Variants in FRAS1 observed in about 807,000 individuals in gnomAD.
The protein encoded by FRAS1 is extracellular matrix organizing protein FRAS1.
A neutral mutation model predicts 435.2 loss-of-function variants in FRAS1; 290 were observed. That is an observed-to-expected ratio of 0.67 (90% confidence interval 0.61 to 0.73). The LOEUF is 0.73. Among genes scored for constraint, FRAS1 ranks in the 30% least tolerant of loss-of-function variants. FRAS1 has a pLI of 0.00. For synonymous variants in FRAS1, 1,800 were observed against 1,851.0 expected, an observed-to-expected ratio of 0.97 and a Z score of 0.71; for missense variants, 4,860 against 5,001.5, an observed-to-expected ratio of 0.97 and a Z score of 0.85.
intron 2 of FRAS1, among the ~76,000 whole-genome samples, chr4:78,222,408 C>T (rs1256696288): frequency 6.6e-6 from 1 of 152,208 alleles, no homozygotes; most frequent in Non-Finnish European, 1.5e-5. Context: ...ATTTCCGTAA[C>T]AGCTCCTAAC....
chr4:78,073,884 A>T (rs1740488638), intron 2 of FRAS1, among the ~76,000 whole-genome samples: 1 of 152,204 alleles, frequency 6.6e-6, no homozygotes, highest in Non-Finnish European at 1.5e-5. Context: ...ATAAAATTTT[A>T]AAAAATAACT....
intron 2 of FRAS1, among the ~76,000 whole-genome samples, chr4:78,160,246 CTCAG>C (rs1398722193): frequency 6.6e-6 from 1 of 152,214 alleles, no homozygotes; most frequent in African/African-American, 2.4e-5. Flanking sequence ...AAATGTTTCT[CTCAG>C]TAAGAATGCA....
rs554835851 is a variant in FRAS1, at chr4:78,347,787, GTTTT to G, written c.2422+9985_2422+9988del. The stretch of plus-strand genomic sequence containing the variant: ...TGTATGTGTGTGCGTGTGTGTGTGT[GTTTT>G]TTTTTTTTTTTTTTGGTCATCCCTT... On this transcript the variant is annotated intron_variant, in intron 20 of 73. Coordinates refer to ENST00000512123, the MANE Select transcript of FRAS1 (RefSeq NM_025074.7). Among the ~76,000 whole-genome samples, 55 of 55,074 alleles carry G rather than the reference GTTTT, an allele frequency of 1.0e-3. No homozygotes were observed. The East Asian group carries it at 0.023, about 23-fold the overall frequency. The allele number at this position is 55,074 out of a possible 152,430, so 36.1% of individuals were successfully genotyped here.
intron 14 of FRAS1, among the ~76,000 whole-genome samples, chr4:78,302,940 T>C (rs1728492095): frequency 6.6e-6 from 1 of 152,208 alleles, no homozygotes; most frequent in South Asian, 2.1e-4. Flanking sequence ...CCCATGCCTA[T>C]GTCCTGAATG....
chr4:78,148,758 T>C (rs1211996272), intron 2 of FRAS1, among the ~76,000 whole-genome samples: 1 of 152,216 alleles, frequency 6.6e-6, no homozygotes, highest in Non-Finnish European at 1.5e-5. Flanking sequence ...TTTTGGTAGG[T>C]ACCACTTTTA....
At chr4:78,336,099 A>G (rs1730161808) in intron 19 of FRAS1, among the ~76,000 whole-genome samples, 1 of 152,214 alleles carries the variant, frequency 6.6e-6, no homozygotes, top group Non-Finnish European at 1.5e-5. Context: ...TATCTGTTAC[A>G]TTCATCTAGC....
chr4:78,421,455 C>T (rs1733786058), intron 33 of FRAS1, among the ~76,000 whole-genome samples: 1 of 152,128 alleles, frequency 6.6e-6, no homozygotes, highest in African/African-American at 2.4e-5. Flanking sequence ...GCCTCCCTGC[C>T]TTATATTCTA....
intron 18 of FRAS1, among the ~76,000 whole-genome samples, chr4:78,324,197 AAG>A (rs921287004): frequency 6.6e-6 from 1 of 151,922 alleles, no homozygotes; most frequent in African/African-American, 2.4e-5. Flanking sequence ...ATAAGGGAAA[AAG>A]AAAAATAATA....
At chr4:78,196,771 G>A (rs559294812) in intron 2 of FRAS1, among the ~76,000 whole-genome samples, 1 of 152,130 alleles carries the variant, frequency 6.6e-6, no homozygotes, top group Non-Finnish European at 1.5e-5. Flanking sequence ...GAAGTATTTG[G>A]AATAATGTCC....
intron 29 of FRAS1, 75 bp from the exon 30 acceptor site, chr4:78,400,659 G>A (rs1732847372): frequency 1.4e-6 from 2 of 1,413,782 alleles, no homozygotes. Context: ...AACAGAACTG[G>A]ATAACTTATG....
chr4:78,057,824 C>G lies in FRAS1; in HGVS notation c.-186C>G, dbSNP rs1362058090. ...GCAGCGAGTGAATTGAACCCCAGCC[C>G]GCTCCGGCGCCTCCGGGCTGATGAG... On this transcript the variant is annotated 5_prime_UTR_variant, in exon 1 of 74. Transcript: ENST00000512123. This position sits in a 1 kb window ranked among gnomAD's most constrained non-coding sequence, Gnocchi z 4.2. The G allele has an allele frequency of 1.7e-6, 1 of 586,698 alleles. No homozygotes were observed. The highest frequency in any genetic ancestry group is 3.0e-6 in the Non-Finnish European group (1 of 331,508). 36.3% of individuals were successfully genotyped at this position (586,698 alleles called of 1,614,324 possible).
chr4:78,489,968 CAAAAA>C (rs61568957), intron 59 of FRAS1, among the ~76,000 whole-genome samples: 3,255 of 92,630 alleles, frequency 0.035, 154 homozygotes, highest in African/African-American at 0.11. Flanking sequence ...TAGTGGAAAA[CAAAAA>C]AAAAAAAAAA....
chr4:78,272,355 C>T (rs1423873780), intron 9 of FRAS1, among the ~76,000 whole-genome samples: 1 of 152,120 alleles, frequency 6.6e-6, no homozygotes, highest in Non-Finnish European at 1.5e-5. Flanking sequence ...GTTGCCATTG[C>T]TTTTGGTGTT....
chr4:78,399,126 T>C (rs1199561201), intron 29 of FRAS1, among the ~76,000 whole-genome samples: 2 of 152,220 alleles, frequency 1.3e-5, no homozygotes, highest in Admixed American at 6.5e-5. Context: ...GCTATGTCAA[T>C]TGAGAAAGGA....
At position 78,075,306 on chromosome 4, in the gene FRAS1, G is replaced by C. The variant is rs754933273; in HGVS notation, c.108+9290G>C. Among the ~76,000 whole-genome samples the C allele has an allele frequency of 1.7e-4, 26 of 152,230 alleles. 1 individual carries two copies. The highest frequency in any genetic ancestry group is 1.1e-3 in the Admixed American group (17 of 15,282). Reference sequence around the variant, plus strand: ...TAGCTGACACACAGAAGTTGATAGGGGAGAAAGATGGGAGACTTTGATTCC... The same window carrying C: ...TAGCTGACACACAGAAGTTGATAGGCGAGAAAGATGGGAGACTTTGATTCC... On this transcript the variant is annotated intron_variant, in intron 2 of 73. Coordinates refer to ENST00000512123, the MANE Select transcript of FRAS1 (RefSeq NM_025074.7).
intron 4 of FRAS1, among the ~76,000 whole-genome samples, chr4:78,249,025 A>G (rs1314583362): frequency 2.6e-5 from 3 of 117,188 alleles, no homozygotes; most frequent in Non-Finnish European, 5.2e-5. Flanking sequence ...TAATGCTTTC[A>G]TAAACGTGTA....
rs947715610 is a variant in FRAS1 at position 78,513,567 on chromosome 4, T to C, written c.10174+15T>C. 1.9e-6 allele frequency: 3 copies of C among 1,611,422 alleles called. No homozygotes were observed. Among genetic ancestry groups the C allele is most frequent in the South Asian group, 1.1e-5 (1 of 90,936 alleles). On this transcript the variant is annotated intron_variant, in intron 65 of 73. Coordinates refer to ENST00000512123, the MANE Select transcript of FRAS1 (RefSeq NM_025074.7). ...AGGCATCTCAGGTGAGATTGACAAG[T>C]TCAGGACTGGTCTTTCCATGCTAGC...
In FRAS1 at chr4:78,539,570, T is replaced by G. The variant is rs1193625250; in HGVS notation, c.11445+130T>G. On this transcript the variant is annotated intron_variant, in intron 73 of 73. Coordinates refer to ENST00000512123, the MANE Select transcript of FRAS1 (RefSeq NM_025074.7). ...TTCTGCCATTCTTGCTGGCAGATCT[T>G]TTCTTATTGTTAAGCTTATCACCCA... 14 of 931,678 alleles carry G rather than the reference T, an allele frequency of 1.5e-5. No homozygotes were observed. The East Asian group carries it at 3.6e-4, about 24-fold the overall frequency. The allele number at this position is 931,678 out of a possible 1,614,324, so 57.7% of individuals were successfully genotyped here.
At chr4:78,391,196 C>T (rs1247057639) in intron 29 of FRAS1, among the ~76,000 whole-genome samples, 3 of 152,152 alleles carry the variant, frequency 2.0e-5, no homozygotes, top group Admixed American at 6.5e-5. Context: ...CAGTTCAACC[C>T]TTGTTTTCCA....
Sources: allele counts gnomAD v4.1 joint callset (sites outside exome capture counted in the v4.1 genomes callset), GRCh38; gene constraint gnomAD v4.1.1; non-coding constraint Gnocchi (gnomAD v3.1); transcripts MANE v1.5; gene names NCBI Gene and HGNC (gene_info 2026-07-23, HGNC 2026-07-21).